The following BARD1 variants were observed in gnomAD, a reference collection of about 807,000 sequenced individuals.
The protein encoded by BARD1 is BRCA1 associated RING domain 1, also known as BRCA1-associated RING domain protein 1.
In BARD1, 73 loss-of-function variants were observed where a neutral mutation model predicts 77.0. That is an observed-to-expected ratio of 0.95 (90% CI 0.79 to 1.15). BARD1 has a LOEUF of 1.15. BARD1 is among the 50% of genes most tolerant of loss of function. The probability of loss-of-function intolerance (pLI) is 0.00; values close to 1 mark genes in which losing one functional copy is unlikely to be tolerated. For missense variants in BARD1, 993 were observed against 938.8 expected, an observed-to-expected ratio of 1.06 and a Z score of -0.75; for synonymous variants, 384 against 338.0, an observed-to-expected ratio of 1.14 and a Z score of -1.49.
At chr2:214,729,542 C>T (rs765998512) in intron 10 of BARD1, among the ~76,000 whole-genome samples, 2 of 152,122 alleles carry the variant, frequency 1.3e-5, no homozygotes, top group Non-Finnish European at 2.9e-5. Flanking sequence ...CAAATAGGGG[C>T]TTCCTATTTA....
At chr2:214,785,751 T>C (rs1411142929) in intron 3 of BARD1, among the ~76,000 whole-genome samples, 3 of 151,454 alleles carry the variant, frequency 2.0e-5, no homozygotes, top group East Asian at 1.9e-4. Flanking sequence ...AAGAAGAACA[T>C]TAGAAACGGA....
intron 6 of BARD1, among the ~76,000 whole-genome samples, chr2:214,764,159 A>C (rs1455997351): frequency 6.6e-6 from 1 of 152,194 alleles, no homozygotes; most frequent in East Asian, 1.9e-4. Context: ...TCCCATTTTC[A>C]TGTCATCTGA....
At position 214,744,224 on chromosome 2, in the gene BARD1, G is replaced by C. The variant is rs916298035; in HGVS notation, c.1903+843C>G. Among the ~76,000 whole-genome samples the C allele has an allele frequency of 5.3e-5, 8 of 152,256 alleles. No individual in the cohort carries two copies. The South Asian group carries it at 1.5e-3, about 28-fold the overall frequency. On this transcript the variant is annotated intron_variant, in intron 9 of 10. Transcript: ENST00000260947. ...GAAGGTGATGGTGGGTTGACTATCA[G>C]CAAGAAGAGGGGAACAGGTATACAT... is the stretch of plus-strand genomic sequence containing the variant.
At chr2:214,771,943 A>AAAAAAAAAAAACAAAAAAAAAG (rs59814038) in intron 4 of BARD1, among the ~76,000 whole-genome samples, 1 of 143,336 alleles carries the variant, frequency 7.0e-6, no homozygotes, top group African/African-American at 2.7e-5. Flanking sequence ...AAAAAAAAAA[A>AAAAAAAAAAAACAAAAAAAAAG]GCAACATTTT....
Position 214,780,596 on chromosome 2 carries a change from A to T in BARD1, c.1278T>A (p.His426Gln). The T allele has an allele frequency of 6.2e-7, 1 of 1,614,022 alleles. No individual in the cohort carries two copies. Among genetic ancestry groups the T allele is most frequent in the East Asian group, 2.2e-5 (1 of 44,880 alleles). The change falls in exon 4 of 11, where the codon CAT (histidine) becomes CAA (glutamine). Residue 426 changes from histidine (H) to glutamine (Q), a missense_variant. Coordinates refer to ENST00000260947, the MANE Select transcript of BARD1 (RefSeq NM_000465.4). ...CAATATGGAGCAAAGTCTCTCCTCTATGATTTCTTTTCACAGCCATATTGG... is the reference window on the plus strand; with the variant it reads ...CAATATGGAGCAAAGTCTCTCCTCTTTGATTTCTTTTCACAGCCATATTGG... ...LLPNMAVKRN[H>Q]RGETLLHIAS...
intron 9 of BARD1, chr2:214,730,951 T>C (rs1468940685): frequency 2.2e-6 from 1 of 455,194 alleles, no homozygotes; most frequent in Non-Finnish European, 4.4e-6. Context: ...TAATCGTCTG[T>C]TAAACTGTAA....
In BARD1 at chr2:214,727,052, G is replaced by A. The variant is rs1028640318; in HGVS notation, c.*1624C>T. On this transcript the variant is annotated 3_prime_UTR_variant, in exon 11 of 11. Transcript: ENST00000260947. The stretch of plus-strand genomic sequence containing the variant: ...TTATTTAATCCAGACATTATCTAAC[G>A]CCTCGGATTTTTGTTTGGTGCTATG... 6 of 209,982 alleles carry A rather than the reference G, an allele frequency of 2.9e-5. No homozygotes were observed. Among genetic ancestry groups the A allele is most frequent in the Non-Finnish European group, 4.8e-5 (5 of 105,166 alleles). 13.0% of individuals were successfully genotyped at this position (209,982 alleles called of 1,614,324 possible). A position where few individuals can be genotyped will look rare whatever the true frequency, so the allele number is the denominator to read the frequency against.
intron 7 of BARD1, among the ~76,000 whole-genome samples, chr2:214,752,070 C>T (rs1042057409): frequency 5.3e-5 from 8 of 152,142 alleles, no homozygotes; most frequent in East Asian, 1.9e-4. Flanking sequence ...CTCCACCCAA[C>T]GACACTCTAC....
At chr2:214,762,658 A>T (rs1221776899) in intron 6 of BARD1, among the ~76,000 whole-genome samples, 1 of 152,228 alleles carries the variant, frequency 6.6e-6, no homozygotes, top group African/African-American at 2.4e-5. Flanking sequence ...TCATTTAAAG[A>T]ATAACACACG....
intron 6 of BARD1, 104 bp downstream of exon 6, chr2:214,767,378 G>T: frequency 8.8e-7 from 1 of 1,132,462 alleles, no homozygotes; most frequent in Non-Finnish European, 1.3e-6. Context: ...TTGTGAAAGT[G>T]AAGAAAGCCA....
intron 2 of BARD1, among the ~76,000 whole-genome samples, chr2:214,794,031 C>T (rs372689001): frequency 6.6e-6 from 1 of 152,018 alleles, no homozygotes; most frequent in Non-Finnish European, 1.5e-5. Context: ...ACAAGAGAAT[C>T]GCTTGAGCCC....
chr2:214,761,511 AT>A (rs940832822), intron 6 of BARD1, among the ~76,000 whole-genome samples: 2 of 152,184 alleles, frequency 1.3e-5, no homozygotes, highest in African/African-American at 2.4e-5. Flanking sequence ...ATTATTTAAT[AT>A]TTTTAAATGT....
intron 1 of BARD1, among the ~76,000 whole-genome samples, chr2:214,805,409 G>T (rs1050405611): frequency 6.6e-5 from 10 of 152,132 alleles, no homozygotes; most frequent in Non-Finnish European, 1.3e-4. Flanking sequence ...CCAGTGCCAG[G>T]GAGAAATCAT....
chr2:214,801,281 A>G (rs1055516552), intron 1 of BARD1, among the ~76,000 whole-genome samples: 34 of 152,242 alleles, frequency 2.2e-4, no homozygotes, highest in Admixed American at 2.6e-4. Flanking sequence ...GAATCATGCA[A>G]CAACTACATG....
intron 2 of BARD1, among the ~76,000 whole-genome samples, chr2:214,795,511 C>G (rs535804788): frequency 3.3e-5 from 5 of 152,048 alleles, no homozygotes; most frequent in African/African-American, 1.2e-4. Context: ...TGGATATTAT[C>G]GTGATTTTTC....
At chr2:214,750,200 A>G (rs943709150) in intron 7 of BARD1, among the ~76,000 whole-genome samples, 1 of 151,866 alleles carries the variant, frequency 6.6e-6, no homozygotes, top group Non-Finnish European at 1.5e-5. Flanking sequence ...CCACATAACT[A>G]CCATCTATAA....
chr2:214,728,705 A>G lies in BARD1; in HGVS notation c.2305T>C (p.Ser769Pro). The change falls in exon 11 of 11, where the codon TCC (serine) becomes CCC (proline). Residue 769 changes from serine (S) to proline (P), a missense_variant. Coordinates refer to ENST00000260947, the MANE Select transcript of BARD1 (RefSeq NM_000465.4). ...CTGTCAAGAGGAAGCAACTCAAAGG[A>G]CATCACACAGTCTATAAACCAGCTC... The part of the protein sequence containing the change: ...PSSWFIDCVM[S>P]FELLPLDS The G allele has an allele frequency of 6.2e-7, 1 of 1,614,214 alleles. No individual in the cohort carries two copies. The highest frequency in any genetic ancestry group is 8.5e-7 in the Non-Finnish European group (1 of 1,180,034).
chr2:214,778,875 A>G (rs958134953), intron 4 of BARD1, among the ~76,000 whole-genome samples: 7 of 152,230 alleles, frequency 4.6e-5, no homozygotes, highest in Admixed American at 6.5e-5. Context: ...CGCCACCAAT[A>G]TAAGTAAATG....
At chr2:214,741,690 A>G (rs1473307909) in intron 9 of BARD1, among the ~76,000 whole-genome samples, 1 of 152,188 alleles carries the variant, frequency 6.6e-6, no homozygotes, top group African/African-American at 2.4e-5. Flanking sequence ...TCTGTAAAAT[A>G]TAAAATAAGT....
Sources: allele counts gnomAD v4.1 joint callset (sites outside exome capture counted in the v4.1 genomes callset), GRCh38; gene constraint gnomAD v4.1.1; transcripts MANE v1.5; gene names NCBI Gene and HGNC (gene_info 2026-07-23, HGNC 2026-07-21).